STK10: variants seen among roughly 807,000 people sequenced by gnomAD.
STK10 encodes the protein serine/threonine kinase 10.
A neutral mutation model predicts 113.8 loss-of-function variants in STK10; 78 were observed. The ratio of observed to expected loss-of-function variants is 0.69; its 90% CI spans 0.57 to 0.83. The LOEUF (loss-of-function observed/expected upper bound fraction) is 0.83, where lower values mean the gene tolerates loss of function less well. STK10 is among the 40% of genes least tolerant of loss of function. The pLI, the probability that STK10 is intolerant of heterozygous loss-of-function variation, is 0.00. For synonymous variants in STK10, 465 were observed against 494.7 expected (o/e 0.94, Z 0.80); for missense variants, 1,109 against 1,280.1 (o/e 0.87, Z 2.04).
Position 172,141,700 on chromosome 5 carries a change from G to A in STK10, c.322-14279C>T, listed in dbSNP as rs1769975624. On this transcript the variant is annotated intron_variant, in intron 2 of 18. Transcript: ENST00000176763. ...GCTCTACCTGGGCCCTCTTGTCAGA[G>A]GTGTGGTCTCTGCACCCAGGAACTC... Among the ~76,000 whole-genome samples the A allele has an allele frequency of 2.0e-5, 3 of 152,152 alleles. No homozygotes were observed. The South Asian group carries it at 6.2e-4, about 32-fold the overall frequency.
chr5:172,097,457 G>A (rs1208973985), intron 7 of STK10, among the ~76,000 whole-genome samples: 9 of 152,194 alleles, frequency 5.9e-5, no homozygotes, highest in Admixed American at 3.9e-4. Flanking sequence ...CCACTCCCAC[G>A]CCGCCAGCCT....
chr5:172,144,848 A>G (rs1358806978), intron 2 of STK10, among the ~76,000 whole-genome samples: 3 of 151,830 alleles, frequency 2.0e-5, no homozygotes, highest in African/African-American at 7.3e-5. Flanking sequence ...TGACTTAGAT[A>G]CCCCCCACCC....
At chr5:172,114,295 T>C (rs1013358388) in intron 4 of STK10, among the ~76,000 whole-genome samples, 4 of 143,604 alleles carry the variant, frequency 2.8e-5, no homozygotes, top group Non-Finnish European at 4.4e-5. Context: ...CTCTCGTGTG[T>C]GTGTGTGTGT....
chr5:172,072,654 G>A (rs1376547370), intron 12 of STK10, among the ~76,000 whole-genome samples: 1 of 152,144 alleles, frequency 6.6e-6, no homozygotes, highest in Non-Finnish European at 1.5e-5. Context: ...CAGCCCTATT[G>A]CTAGCATCAT....
In STK10 at chr5:172,187,800, G is replaced by T. The variant is rs776877983; in HGVS notation, c.156+87C>A. ...CAGCGCCGGGCAGCCCTCGGAGCCG[G>T]AGCCAGGCTGGCCGGGTCCGGCTCA... On this transcript the variant is annotated intron_variant, in intron 1 of 18. Transcript: ENST00000176763. The surrounding 1 kb of genome is among the most constrained non-coding windows in gnomAD (Gnocchi z 4.6). The T allele has an allele frequency of 2.6e-6, 4 of 1,545,504 alleles. No individual in the cohort carries two copies. The highest frequency in any genetic ancestry group is 3.5e-6 in the Non-Finnish European group (4 of 1,144,816).
At chr5:172,089,183 T>C (rs1168957349) in intron 10 of STK10, among the ~76,000 whole-genome samples, 1 of 152,198 alleles carries the variant, frequency 6.6e-6, no homozygotes, top group Non-Finnish European at 1.5e-5. Flanking sequence ...CCTTATCCTT[T>C]AGGCCTGGCT....
At chr5:172,071,533 G>T (rs1768181785) in intron 12 of STK10, among the ~76,000 whole-genome samples, 1 of 151,974 alleles carries the variant, frequency 6.6e-6, no homozygotes, top group South Asian at 2.1e-4. Flanking sequence ...CTGACTCTTT[G>T]TTCATTGTAA....
chr5:172,057,009 G>GAAAA (rs1491554887), intron 15 of STK10: 2 of 121,924 alleles, frequency 1.6e-5, no homozygotes, highest in African/African-American at 6.6e-5. Flanking sequence ...AAGAAGGAAA[G>GAAAA]AAAGAAAGAA....
At chr5:172,182,550 A>ATTTT (rs774193068) in intron 1 of STK10, among the ~76,000 whole-genome samples, 1 of 107,506 alleles carries the variant, frequency 9.3e-6, no homozygotes, top group African/African-American at 3.8e-5. Flanking sequence ...TGCCCAGCTC[A>ATTTT]TTTTTTTTTT....
rs555133914 is a variant in STK10 at position 172,156,646 on chromosome 5, T to C, written c.299A>G (p.Tyr100Cys). 6.2e-7 allele frequency: 1 copy of C among 1,613,724 alleles called. No individual in the cohort carries two copies. Among genetic ancestry groups the C allele is most frequent in the Non-Finnish European group, 8.5e-7 (1 of 1,179,842 alleles). ...HPYIVKLLGA[Y>C]YHDGKLWIMI... ...TACCCACAGCTTCCCGTCGTGATAG[T>C]AGGCTCCCAGGAGCTTCACAATGTA... is the stretch of plus-strand genomic sequence containing the variant. Residue 100 changes from tyrosine to cysteine, a missense_variant, in exon 2 of 19, where the codon TAC (tyrosine) becomes TGC (cysteine). Tyr to Cys is a radical substitution (Grantham distance 194, BLOSUM62 -2). Transcript: ENST00000176763.
chr5:172,123,157 A>G (rs1282873159), intron 3 of STK10, among the ~76,000 whole-genome samples: 2 of 152,242 alleles, frequency 1.3e-5, no homozygotes, highest in Admixed American at 1.3e-4. Context: ...CTTCCCAGCC[A>G]TGCGGGGCAA....
chr5:172,178,564 T>C (rs1438716267), intron 1 of STK10, among the ~76,000 whole-genome samples: 1 of 152,186 alleles, frequency 6.6e-6, no homozygotes, highest in Admixed American at 6.5e-5. Context: ...CTGTATGAGC[T>C]ACTCAGGCAA....
chr5:172,104,037 G>A (rs568016004), intron 7 of STK10, among the ~76,000 whole-genome samples: 150 of 152,296 alleles, frequency 9.8e-4, no homozygotes, highest in African/African-American at 3.5e-3. Flanking sequence ...CCAGAAGGAC[G>A]CACAGTGGCT....
chr5:172,108,768 T>C (rs1431248261), intron 4 of STK10, among the ~76,000 whole-genome samples: 1 of 151,500 alleles, frequency 6.6e-6, no homozygotes, highest in Non-Finnish European at 1.5e-5. Flanking sequence ...CTGGGCGGTA[T>C]TTATTACTAT....
At chr5:172,149,587 G>GT (rs1422494317) in intron 2 of STK10, among the ~76,000 whole-genome samples, 1 of 151,648 alleles carries the variant, frequency 6.6e-6, no homozygotes, top group African/African-American at 2.4e-5. Context: ...GCAGGGGTTG[G>GT]TGAGTGCCAG....
chr5:172,186,252 G>A (rs960124298), intron 1 of STK10, among the ~76,000 whole-genome samples: 1 of 151,792 alleles, frequency 6.6e-6, no homozygotes, highest in Non-Finnish European at 1.5e-5. Context: ...CTCCAGCTTG[G>A]GCAATAGAGT....
At chr5:172,055,288 C>T (rs1245593729) in intron 16 of STK10, among the ~76,000 whole-genome samples, 2 of 152,162 alleles carry the variant, frequency 1.3e-5, no homozygotes, top group Non-Finnish European at 1.5e-5. Context: ...CAACCTCTGC[C>T]TCCCGGGCTC....
rs548579674 is a variant in STK10, at chr5:172,090,518, T to G, written c.1555-156A>C. 3.3e-3 allele frequency among the ~76,000 whole-genome samples: 496 copies of G among 152,148 alleles called. 5 individuals carry two copies. Among genetic ancestry groups the G allele is most frequent in the Admixed American group, 5.2e-3 (80 of 15,290 alleles). On this transcript the variant is annotated intron_variant, in intron 9 of 18. Transcript: ENST00000176763. ...TCGTCCCTCTTGCCTCAACTTAACC[T>G]AGGAGCTGGGGGTTCTGAGCTTATT... is the stretch of plus-strand genomic sequence containing the variant.
intron 2 of STK10, 131 bp from the exon 3 acceptor site, chr5:172,127,552 C>T (rs1769651512): frequency 2.3e-6 from 2 of 883,294 alleles, no homozygotes; most frequent in Non-Finnish European, 3.4e-6. Context: ...AGCCCTTCCT[C>T]CTCCTGCCTT....
Sources: gnomAD v4.1 joint callset for allele counts (sites outside exome capture counted in the v4.1 genomes callset) on GRCh38, gnomAD v4.1.1 for gene constraint, Gnocchi (gnomAD v3.1) non-coding constraint, MANE v1.5 for transcripts, NCBI Gene and HGNC (gene_info 2026-07-23, HGNC 2026-07-21) for gene names.